The following TANC2 variants were observed in gnomAD, a reference collection of about 807,000 sequenced individuals.
TANC2 encodes tetratricopeptide repeat, ankyrin repeat and coiled-coil containing 2, also known as protein TANC2.
Under a neutral mutation model 210.5 loss-of-function variants are expected in TANC2, and 26 were observed. The ratio of observed to expected loss-of-function variants is 0.12; its 90% CI spans 0.09 to 0.17. The LOEUF (loss-of-function observed/expected upper bound fraction) is 0.17, where lower values mean the gene tolerates loss of function less well. Ranked by LOEUF, TANC2 falls within the 10% of genes least tolerant of loss-of-function variation. The pLI is 1.00. For missense variants in TANC2, 2,129 were observed against 2,608.9 expected (o/e 0.82, Z 4.01); for synonymous variants, 931 against 967.1 (o/e 0.96, Z 0.69).
chr17:63,345,558 G>A (rs2046374009), intron 12 of TANC2, among the ~76,000 whole-genome samples: 2 of 148,308 alleles, frequency 1.3e-5, no homozygotes, highest in Admixed American at 1.4e-4. Context: ...GGTGGAGGTT[G>A]CAGTGAGCTG....
rs183443336 is a variant in TANC2, at chr17:63,088,307, A to G, written c.140-10868A>G. 187 of 152,012 alleles carry G rather than the reference A, an allele frequency of 1.2e-3. 1 individual carries two copies. Among genetic ancestry groups the G allele is most frequent in the African/African-American group, 4.3e-3 (180 of 41,552 alleles). The allele number at this position is 152,012 out of a possible 1,614,324, so 9.4% of individuals were successfully genotyped here. On this transcript the variant is annotated intron_variant, in intron 3 of 27. Transcript: ENST00000689528. Reference sequence around the variant, plus strand: ...AGGACTGTTGAAGCTTTTCTAACATATTCATTACATATATGATTTCTCTCC... The same window carrying G: ...AGGACTGTTGAAGCTTTTCTAACATGTTCATTACATATATGATTTCTCTCC...
At chr17:63,045,746 C>T (rs1393194245) in intron 2 of TANC2, among the ~76,000 whole-genome samples, 1 of 152,006 alleles carries the variant, frequency 6.6e-6, no homozygotes, top group Non-Finnish European at 1.5e-5. Flanking sequence ...GTTATATTTG[C>T]ATATGAGTCT....
At chr17:63,075,176 G>A (rs1039768577) in intron 3 of TANC2, among the ~76,000 whole-genome samples, 1 of 151,992 alleles carries the variant, frequency 6.6e-6, no homozygotes, top group Non-Finnish European at 1.5e-5. Flanking sequence ...ATATAAAAAT[G>A]AGATTATGTA....
rs187941663 is a variant in TANC2, at chr17:63,068,696, C to T, written c.68-5247C>T. ...TGCTGGATGATATAGTTTCATTACA[C>T]TTACATAGTATAAACATTTGTGGAG... is the stretch of plus-strand genomic sequence containing the variant. On this transcript the variant is annotated intron_variant, in intron 2 of 27. Transcript: ENST00000689528. 4.4e-4 allele frequency among the ~76,000 whole-genome samples: 67 copies of T among 152,108 alleles called. 1 individual carries two copies. In the South Asian group the frequency reaches 0.011, roughly 25 times the overall value.
At chr17:63,236,406 T>A (rs1037096721) in intron 7 of TANC2, among the ~76,000 whole-genome samples, 1 of 152,122 alleles carries the variant, frequency 6.6e-6, no homozygotes, top group Admixed American at 6.5e-5. Context: ...CAGTAACTTT[T>A]AAAAATAATG....
chr17:63,348,906 T>C (rs1421555203), intron 12 of TANC2, among the ~76,000 whole-genome samples: 1 of 152,162 alleles, frequency 6.6e-6, no homozygotes, highest in African/African-American at 2.4e-5. Flanking sequence ...ACCTTATCAT[T>C]TAGCAAAGGA....
intron 8 of TANC2, among the ~76,000 whole-genome samples, chr17:63,253,556 A>G (rs2043109553): frequency 6.6e-6 from 1 of 152,152 alleles, no homozygotes; most frequent in Non-Finnish European, 1.5e-5. Flanking sequence ...TTTTACTTTA[A>G]CAGTTTCATA....
intron 7 of TANC2, among the ~76,000 whole-genome samples, chr17:63,219,509 C>T (rs566735706): frequency 1.1e-3 from 163 of 152,358 alleles, no homozygotes; most frequent in Non-Finnish European, 2.0e-3. Flanking sequence ...CTCCCAGGTT[C>T]AAACAGTTCT....
rs998050044 is a variant in TANC2, at chr17:63,211,732, G to A, written c.769+10775G>A. Among the ~76,000 whole-genome samples, 37 of 152,218 alleles carry A rather than the reference G, an allele frequency of 2.4e-4. 1 individual carries two copies. Among genetic ancestry groups the A allele is most frequent in the Admixed American group, 2.4e-3 (36 of 15,274 alleles). On this transcript the variant is annotated intron_variant, in intron 7 of 27. Transcript: ENST00000689528. ...TGTTAATTTCTTGTTAGCAGAAACT[G>A]CCATGTTCATTTTTTATCTGTAGCA...
chr17:63,008,157 T>A (rs1442467540), intron 1 of TANC2, among the ~76,000 whole-genome samples: 3 of 152,152 alleles, frequency 2.0e-5, no homozygotes, highest in Non-Finnish European at 4.4e-5. Context: ...TATGATTTGC[T>A]CAGTGTTTTT....
rs147549219 is a variant in TANC2, at chr17:63,418,508, C to G, written c.4268+101C>G. ...GGGGCATATGTACCCAAATACATCTCTGTCCTTGAGAACTGTCAGGGCCAA... is the reference window on the plus strand; with the variant it reads ...GGGGCATATGTACCCAAATACATCTGTGTCCTTGAGAACTGTCAGGGCCAA... On this transcript the variant is annotated intron_variant, in intron 27 of 27. Transcript: ENST00000689528. The surrounding 1 kb of genome is among the most constrained non-coding windows in gnomAD (Gnocchi z 4.6). 12 of 1,023,594 alleles carry G rather than the reference C, an allele frequency of 1.2e-5. No homozygotes were observed. Among genetic ancestry groups the G allele is most frequent in the Middle Eastern group, 2.1e-4 (1 of 4,668 alleles). The allele number at this position is 1,023,594 out of a possible 1,614,324, so 63.4% of individuals were successfully genotyped here. A position where few individuals can be genotyped will look rare whatever the true frequency, so the allele number is the denominator to read the frequency against.
At chr17:63,395,364 A>G (rs944534007) in intron 17 of TANC2, among the ~76,000 whole-genome samples, 1 of 152,222 alleles carries the variant, frequency 6.6e-6, no homozygotes, top group African/African-American at 2.4e-5. Context: ...GATTTCAAAG[A>G]TAATTTTTTT....
At chr17:63,194,649 A>G (rs1451572998) in intron 6 of TANC2, among the ~76,000 whole-genome samples, 1 of 152,180 alleles carries the variant, frequency 6.6e-6, no homozygotes, top group Non-Finnish European at 1.5e-5. Context: ...TTTTAAGCAC[A>G]TCTTTAGCTA....
intron 11 of TANC2, among the ~76,000 whole-genome samples, chr17:63,330,832 T>C (rs1414725908): frequency 6.6e-6 from 1 of 152,116 alleles, no homozygotes; most frequent in Non-Finnish European, 1.5e-5. Context: ...TCCTAGCACT[T>C]TGAGAGGCCG....
chr17:63,028,915 T>C (rs80260337), intron 2 of TANC2, among the ~76,000 whole-genome samples: 4,491 of 152,122 alleles, frequency 0.03, 83 homozygotes, highest in South Asian at 0.037. Flanking sequence ...CAGTAGGATA[T>C]ATCAGTGAAA....
chr17:63,287,686 A>ATT lies in TANC2; in HGVS notation c.1159+19826_1159+19827dup, dbSNP rs113218272. Among the ~76,000 whole-genome samples, 5 of 145,232 alleles carry ATT rather than the reference A, an allele frequency of 3.4e-5. No homozygotes were observed. The East Asian group carries it at 1.0e-3, about 30-fold the overall frequency. On this transcript the variant is annotated intron_variant, in intron 9 of 27. Transcript: ENST00000689528. ...GTATTCTACTGAATGTCCTGTATATATTTTTTTTTTTTTTGAGGAGTCTCT... is the reference window on the plus strand; with the variant it reads ...GTATTCTACTGAATGTCCTGTATATATTTTTTTTTTTTTTTTGAGGAGTCTCT...
chr17:63,141,473 G>A (rs2039291001), intron 4 of TANC2, among the ~76,000 whole-genome samples: 1 of 150,656 alleles, frequency 6.6e-6, no homozygotes, highest in East Asian at 1.9e-4. Context: ...AGGCTGAGGT[G>A]GGAGAATTGC....
chr17:63,005,939 TGTGTGTGA>T (rs2033608952), intron 1 of TANC2, among the ~76,000 whole-genome samples: 4 of 148,474 alleles, frequency 2.7e-5, no homozygotes, highest in African/African-American at 1.0e-4. Flanking sequence ...TGTGTGTGTG[TGTGTGTGA>T]AGAGTTTTGA....
chr17:63,027,168 AT>A (rs1444189646), intron 2 of TANC2, among the ~76,000 whole-genome samples: 2 of 152,248 alleles, frequency 1.3e-5, no homozygotes, highest in African/African-American at 2.4e-5. Flanking sequence ...TTTAACAACA[AT>A]TTTTTTAAAG....
Sources: gnomAD v4.1 joint callset for allele counts (sites outside exome capture counted in the v4.1 genomes callset) on GRCh38, gnomAD v4.1.1 for gene constraint, Gnocchi (gnomAD v3.1) non-coding constraint, MANE v1.5 for transcripts, NCBI Gene and HGNC (gene_info 2026-07-23, HGNC 2026-07-21) for gene names.